REPS1: variants seen among roughly 807,000 people sequenced by gnomAD.
The protein encoded by REPS1 is RALBP1 associated Eps domain containing 1, also known as ralBP1-associated Eps domain-containing protein 1.
In REPS1, 39 loss-of-function variants were observed where a neutral mutation model predicts 100.9. The ratio of observed to expected loss-of-function variants is 0.39; its 90% CI spans 0.30 to 0.50. REPS1 has a LOEUF of 0.50. Ranked by LOEUF, REPS1 falls within the 20% of genes least tolerant of loss-of-function variation. The pLI, the probability that REPS1 is intolerant of heterozygous loss-of-function variation, is 0.86. For synonymous variants in REPS1, 324 were observed against 340.3 expected (o/e 0.95, Z 0.53); for missense variants, 821 against 968.5 (o/e 0.85, Z 2.02).
At chr6:138,947,291 T>C (rs903046752) in intron 2 of REPS1, among the ~76,000 whole-genome samples, 2 of 152,190 alleles carry the variant, frequency 1.3e-5, no homozygotes, top group Non-Finnish European at 2.9e-5. Flanking sequence ...AGTCTGCCAA[T>C]ATTTTAATAT....
At chr6:138,940,250 C>T (rs558761081) in intron 8 of REPS1, among the ~76,000 whole-genome samples, 80 of 152,204 alleles carry the variant, frequency 5.3e-4, no homozygotes, top group African/African-American at 1.9e-3. Context: ...CATTTGAGAC[C>T]CAAATTCTAT....
At chr6:138,916,015 A>G in intron 13 of REPS1, 39 bp from the exon 14 acceptor site, 1 of 1,404,562 alleles carries the variant, frequency 7.1e-7, no homozygotes. Flanking sequence ...CATACTACTG[A>G]TATCAGAGCT....
rs1208978647 is a variant in REPS1 at position 138,987,557 on chromosome 6, C to T, written c.126G>A (p.Ala42=). 3.2e-6 allele frequency: 5 copies of T among 1,550,004 alleles called. No individual in the cohort carries two copies. The highest frequency in any genetic ancestry group is 3.5e-6 in the Non-Finnish European group (4 of 1,146,380). ...NGRVLELFRA[A]QLPNDVVLQI... ...GTAGGACCACGTCGTTCGGCAGCTG[C>T]GCGGCCCGGAACAGCTCCAGCACCC... The change falls in exon 1 of 20, where the codon GCG becomes GCA. Residue 42 remains alanine (A), a synonymous_variant. Transcript: ENST00000450536.
chr6:138,941,262 T>A, intron 8 of REPS1, 73 bp downstream of exon 8: 1 of 1,509,752 alleles, frequency 6.6e-7, no homozygotes, highest in Non-Finnish European at 9.1e-7. Context: ...ACCTCTATCT[T>A]GATTTTTCTT....
intron 1 of REPS1, among the ~76,000 whole-genome samples, chr6:138,977,889 A>ACTG (rs1784687907): frequency 6.6e-6 from 1 of 152,236 alleles, no homozygotes; most frequent in African/African-American, 2.4e-5. Context: ...CCAGTTTCTC[A>ACTG]ACAATACAAA....
intron 1 of REPS1, among the ~76,000 whole-genome samples, chr6:138,960,194 A>C (rs1348089130): frequency 6.6e-6 from 1 of 152,176 alleles, no homozygotes. Flanking sequence ...TAATACCTAC[A>C]AAAATGCTTT....
chr6:138,946,043 G>A (rs1285175062), intron 2 of REPS1, among the ~76,000 whole-genome samples: 2 of 152,154 alleles, frequency 1.3e-5, no homozygotes, highest in African/African-American at 4.8e-5. Flanking sequence ...TAAGAAAACT[G>A]AGGCTCCATG....
At chr6:138,963,241 G>C (rs992381010) in intron 1 of REPS1, among the ~76,000 whole-genome samples, 5 of 152,024 alleles carry the variant, frequency 3.3e-5, no homozygotes, top group Non-Finnish European at 5.9e-5. Flanking sequence ...ATAACCAAAT[G>C]ATCTTTTCTT....
rs1447316721 is a variant in REPS1 at position 138,904,400 on chromosome 6, T to G, written c.*664A>C. The G allele has an allele frequency of 6.6e-6, 1 of 152,238 alleles. No individual in the cohort carries two copies. Among genetic ancestry groups the G allele is most frequent in the Non-Finnish European group, 1.5e-5 (1 of 68,030 alleles). 9.4% of individuals were successfully genotyped at this position (152,238 alleles called of 1,614,324 possible). On this transcript the variant is annotated 3_prime_UTR_variant, in exon 20 of 20. Coordinates refer to ENST00000450536, the MANE Select transcript of REPS1 (RefSeq NM_001286611.2). ...CCATTACTCATACCTATTTCATAAG[T>G]TTACATGACTGCTGAATTATTGAAT...
chr6:138,963,525 C>T (rs1168013074), intron 1 of REPS1, among the ~76,000 whole-genome samples: 1 of 152,142 alleles, frequency 6.6e-6, no homozygotes, highest in Non-Finnish European at 1.5e-5. Flanking sequence ...TGAATCAACC[C>T]CTTCTTACTT....
At chr6:138,942,904 G>A (rs1782359290) in intron 7 of REPS1, among the ~76,000 whole-genome samples, 1 of 151,506 alleles carries the variant, frequency 6.6e-6, no homozygotes, top group African/African-American at 2.4e-5. Context: ...ACAGGCATGT[G>A]CCACCATGCC....
At chr6:138,974,776 G>C (rs1277927116) in intron 1 of REPS1, among the ~76,000 whole-genome samples, 1 of 152,128 alleles carries the variant, frequency 6.6e-6, no homozygotes, top group Non-Finnish European at 1.5e-5. Context: ...GGCCGGACAT[G>C]GTGGTTCACG....
chr6:138,947,131 G>A (rs949146944), intron 2 of REPS1, among the ~76,000 whole-genome samples: 4 of 149,236 alleles, frequency 2.7e-5, no homozygotes, highest in African/African-American at 1.0e-4. Flanking sequence ...CACGATTGTA[G>A]GTTTCCTGTG....
intron 17 of REPS1, among the ~76,000 whole-genome samples, chr6:138,910,685 C>T (rs2128427085): frequency 6.6e-6 from 1 of 152,244 alleles, no homozygotes; most frequent in South Asian, 2.1e-4. Context: ...TACCCAGTCT[C>T]ACATATTCCT....
At chr6:138,984,036 T>C (rs945899811) in intron 1 of REPS1, among the ~76,000 whole-genome samples, 9 of 151,630 alleles carry the variant, frequency 5.9e-5, no homozygotes, top group African/African-American at 2.2e-4. Flanking sequence ...AACCCAGGCC[T>C]ATCACGTTTA....
At position 138,941,322 on chromosome 6, in the gene REPS1, C is replaced by T. The variant is rs1425616572; in HGVS notation, c.1135+13G>A. 1 of 1,613,562 alleles carries T rather than the reference C, an allele frequency of 6.2e-7. No individual in the cohort carries two copies. The highest frequency in any genetic ancestry group is 2.2e-5 in the East Asian group (1 of 44,850). On this transcript the variant is annotated intron_variant, in intron 8 of 19. Coordinates refer to ENST00000450536, the MANE Select transcript of REPS1 (RefSeq NM_001286611.2). ...AAGGCATGCAAACAGCTCTCTTCAG[C>T]TCCCAATCTTACCTGCTGAATCTTC... is the stretch of plus-strand genomic sequence containing the variant.
rs1365466391 is a variant in REPS1, at chr6:138,987,721, C to G, written c.-39G>C. The G allele has an allele frequency of 2.4e-5, 36 of 1,498,416 alleles. No homozygotes were observed. Among genetic ancestry groups the G allele is most frequent in the Non-Finnish European group, 3.0e-5 (34 of 1,120,226 alleles). The allele number at this position is 1,498,416 out of a possible 1,614,324, so 92.8% of individuals were successfully genotyped here. ...TCACGGCCGCCCCGCCCCGCATGCA[C>G]TACTCGGGGCCCGGCCCCAGGAACC... On this transcript the variant is annotated 5_prime_UTR_variant, in exon 1 of 20. Transcript: ENST00000450536.
chr6:138,914,614 C>G (rs1184031291), intron 15 of REPS1, 83 bp downstream of exon 15: 1 of 1,113,750 alleles, frequency 9.0e-7, no homozygotes, highest in African/African-American at 1.5e-5. Context: ...TCCTGACCTT[C>G]CAAATAATTT....
In REPS1 at chr6:138,945,493, G is replaced by A; in HGVS notation, c.474+8C>T. Reference sequence around the variant, plus strand: ...ATCAACTGCTAATATTTACATGCATGTGATTACCTGTGCATCTGCAGATGT... The same window carrying A: ...ATCAACTGCTAATATTTACATGCATATGATTACCTGTGCATCTGCAGATGT... On this transcript the variant is annotated splice_region_variant and intron_variant, in intron 3 of 19. Transcript: ENST00000450536. The A allele has an allele frequency of 6.3e-7, 1 of 1,593,788 alleles. No individual in the cohort carries two copies. The highest frequency in any genetic ancestry group is 2.2e-5 in the East Asian group (1 of 44,704).
Sources: allele counts gnomAD v4.1 joint callset (sites outside exome capture counted in the v4.1 genomes callset), GRCh38; gene constraint gnomAD v4.1.1; transcripts MANE v1.5; gene names NCBI Gene and HGNC (gene_info 2026-07-23, HGNC 2026-07-21).